Variants in FCHO2 observed in about 807,000 individuals in gnomAD.
FCHO2 encodes FCH and mu domain containing endocytic adaptor 2, also known as F-BAR domain only protein 2.
FCHO2 carries 43 observed loss-of-function variants against 114.1 expected under a neutral mutation model. The observed-to-expected ratio is 0.38, with a 90% CI of 0.30 to 0.49. The LOEUF (loss-of-function observed/expected upper bound fraction) is 0.49, where lower values mean the gene tolerates loss of function less well. FCHO2 is among the 20% of genes least tolerant of loss of function. The pLI is 0.97. For synonymous variants in FCHO2, 293 were observed against 315.2 expected (o/e 0.93, Z 0.75); for missense variants, 807 against 950.4 (o/e 0.85, Z 1.98).
Position 73,054,546 on chromosome 5 carries a change from T to C in FCHO2, c.1207T>C (p.Ser403Pro), listed in dbSNP as rs1416623133. Residue 403 changes from serine to proline, a missense_variant, in exon 15 of 26, where the codon TCT becomes CCT. Coordinates refer to ENST00000430046, the MANE Select transcript of FCHO2 (RefSeq NM_138782.3). The stretch of plus-strand genomic sequence containing the variant: ...TTAGGTACAGATGAATCGGAATTTG[T>C]CTAGTAAGTTTGACATTTGAATTGT... ...HSPVQMNRNLSNEELTKSKPS... is the reference protein window; with the variant it reads ...HSPVQMNRNLPNEELTKSKPS... 2.6e-6 allele frequency: 4 copies of C among 1,540,010 alleles called. No homozygotes were observed. The highest frequency in any genetic ancestry group is 3.5e-6 in the Non-Finnish European group (4 of 1,141,492).
intron 5 of FCHO2, among the ~76,000 whole-genome samples, chr5:73,002,189 A>G (rs1056611723): frequency 2.0e-5 from 3 of 152,200 alleles, no homozygotes; most frequent in Non-Finnish European, 4.4e-5. Flanking sequence ...AAAGAAATTT[A>G]TGAAAATATG....
intron 20 of FCHO2, 98 bp from the exon 21 acceptor site, chr5:73,077,240 G>A (rs1742942673): frequency 4.1e-6 from 4 of 976,396 alleles, no homozygotes; most frequent in Non-Finnish European, 5.9e-6. Flanking sequence ...AGGTGCGTGT[G>A]TGTGTGCGCA....
chr5:72,973,032 T>G (rs960266386), intron 2 of FCHO2, among the ~76,000 whole-genome samples: 5 of 152,186 alleles, frequency 3.3e-5, no homozygotes, highest in African/African-American at 1.2e-4. Flanking sequence ...TGAACCAGCC[T>G]TGCATCCCAG....
rs370516102 is a variant in FCHO2 at position 72,990,688 on chromosome 5, G to C, written c.343-24G>C. ...GAATACTTTATAGTTCAGTCATTTT[G>C]ATGGATCATTTCATACTAAACAGAC... On this transcript the variant is annotated intron_variant, in intron 4 of 25. Coordinates refer to ENST00000430046, the MANE Select transcript of FCHO2 (RefSeq NM_138782.3). 1.4e-4 allele frequency: 212 copies of C among 1,538,800 alleles called. 1 individual carries two copies. The African/African-American group carries it at 2.7e-3, about 20-fold the overall frequency.
At chr5:72,991,086 C>T (rs1196731671) in intron 5 of FCHO2, among the ~76,000 whole-genome samples, 4 of 152,124 alleles carry the variant, frequency 2.6e-5, no homozygotes, top group South Asian at 2.1e-4. Flanking sequence ...TGATTTGAGA[C>T]GGAGTTTTGC....
intron 2 of FCHO2, among the ~76,000 whole-genome samples, chr5:72,972,678 T>C (rs1007472141): frequency 1.5e-4 from 23 of 152,200 alleles, no homozygotes; most frequent in Non-Finnish European, 1.0e-4. Context: ...CTTTTCCTAG[T>C]TGAATGCCCT....
intron 5 of FCHO2, among the ~76,000 whole-genome samples, chr5:72,993,725 C>A (rs1019283395): frequency 6.6e-6 from 1 of 152,144 alleles, no homozygotes; most frequent in African/African-American, 2.4e-5. Flanking sequence ...AGTTAACAGA[C>A]CTTTTAAGGA....
At chr5:73,046,250 A>G (rs990925322) in intron 11 of FCHO2, among the ~76,000 whole-genome samples, 4 of 152,088 alleles carry the variant, frequency 2.6e-5, no homozygotes, top group African/African-American at 9.7e-5. Context: ...ATTTTTGAGT[A>G]GAGACAAGGT....
intron 8 of FCHO2, among the ~76,000 whole-genome samples, chr5:73,024,728 C>T (rs1755825460): frequency 1.3e-5 from 2 of 152,046 alleles, no homozygotes; most frequent in African/African-American, 4.8e-5. Flanking sequence ...TGAGCCACCG[C>T]CCGCGGCCTA....
intron 20 of FCHO2, among the ~76,000 whole-genome samples, 178 bp downstream of exon 20, chr5:73,075,031 T>C (rs1742846629): frequency 6.6e-6 from 1 of 152,194 alleles, no homozygotes; most frequent in African/African-American, 2.4e-5. Context: ...TTGCATTCAA[T>C]GTACATTCAT....
intron 9 of FCHO2, 61 bp downstream of exon 9, chr5:73,034,762 T>C (rs1218696959): frequency 8.2e-6 from 11 of 1,345,572 alleles, no homozygotes; most frequent in Admixed American, 2.4e-5. Context: ...CTTCTGTTCA[T>C]TGAACAAATA....
At chr5:73,067,387 G>A (rs17550291) in intron 18 of FCHO2, among the ~76,000 whole-genome samples, 5,117 of 152,014 alleles carry the variant, frequency 0.034, 114 homozygotes, top group Non-Finnish European at 0.048. Context: ...CTTGGTCTGC[G>A]TATATACACA....
At position 73,020,901 on chromosome 5, in the gene FCHO2, A is replaced by T. The variant is rs1324665712; in HGVS notation, c.796+3593A>T. 6.4e-6 allele frequency: 8 copies of T among 1,251,802 alleles called. No homozygotes were observed. The African/African-American group carries it at 7.4e-5, about 12-fold the overall frequency. The allele number at this position is 1,251,802 out of a possible 1,614,324, so 77.5% of individuals were successfully genotyped here. A position where few individuals can be genotyped will look rare whatever the true frequency, so the allele number is the denominator to read the frequency against. ...GTATCAGCTCACCACGGGAGAGCTT[A>T]TCATCTTTATCGAAATCATATAGTC... On this transcript the variant is annotated intron_variant, in intron 8 of 25. Transcript: ENST00000430046.
In FCHO2 at chr5:73,087,582, T is replaced by C; in HGVS notation, c.2246-7T>C. On this transcript the variant is annotated splice_polypyrimidine_tract_variant and splice_region_variant and intron_variant, in intron 24 of 25. Coordinates refer to ENST00000430046, the MANE Select transcript of FCHO2 (RefSeq NM_138782.3). ...CCTGTGTAAGTGCTTTATTCTTTTC[T>C]TTGTAGGTTCTGGGTCCCTCCGAGC... 1 of 1,613,442 alleles carries C rather than the reference T, an allele frequency of 6.2e-7. No individual in the cohort carries two copies. Among genetic ancestry groups the C allele is most frequent in the Non-Finnish European group, 8.5e-7 (1 of 1,179,590 alleles).
chr5:72,997,690 G>T, intron 5 of FCHO2: 2 of 1,553,002 alleles, frequency 1.3e-6, no homozygotes, highest in South Asian at 1.1e-5. Context: ...GGAAAGGGAG[G>T]GCGAGCCCTT....
intron 8 of FCHO2, among the ~76,000 whole-genome samples, chr5:73,026,427 A>G (rs781559371): frequency 9.2e-5 from 14 of 151,962 alleles, no homozygotes; most frequent in Non-Finnish European, 1.8e-4. Context: ...CCGAGATTGC[A>G]TCATTGCACT....
intron 5 of FCHO2, among the ~76,000 whole-genome samples, chr5:72,995,467 G>T (rs764934008): frequency 1.3e-5 from 2 of 152,168 alleles, no homozygotes; most frequent in East Asian, 1.9e-4. Context: ...TGTTGGCCAG[G>T]CTGGTCTTGA....
rs773937302 is a variant in FCHO2, at chr5:73,089,554, G to A, written c.*1464G>A. ...AAACCTAACTTTAGTAGCAAATCTT[G>A]ATTAATTGAAGAAATAAAATATTTC... On this transcript the variant is annotated 3_prime_UTR_variant, in exon 26 of 26. Coordinates refer to ENST00000430046, the MANE Select transcript of FCHO2 (RefSeq NM_138782.3). The A allele has an allele frequency of 1.9e-4, 29 of 152,312 alleles. No individual in the cohort carries two copies. The highest frequency in any genetic ancestry group is 3.5e-4 in the Non-Finnish European group (24 of 67,894). 9.4% of individuals were successfully genotyped at this position (152,312 alleles called of 1,614,324 possible). A position where few individuals can be genotyped will look rare whatever the true frequency, so the allele number is the denominator to read the frequency against.
At chr5:72,971,163 A>C (rs374864989) in intron 2 of FCHO2, among the ~76,000 whole-genome samples, 1 of 151,000 alleles carries the variant, frequency 6.6e-6, no homozygotes, top group Non-Finnish European at 1.5e-5. Context: ...ATAAACATAC[A>C]TATGCATGTG....
Sources: allele counts gnomAD v4.1 joint callset (sites outside exome capture counted in the v4.1 genomes callset), GRCh38; gene constraint gnomAD v4.1.1; transcripts MANE v1.5; gene names NCBI Gene and HGNC (gene_info 2026-07-23, HGNC 2026-07-21).